The following LPAR1 variants were observed in gnomAD, a reference collection of about 807,000 sequenced individuals.
The protein encoded by LPAR1 is LPA receptor 1.
A neutral mutation model predicts 23.8 loss-of-function variants in LPAR1; 5 were observed. The observed-to-expected ratio is 0.21, with a 90% CI of 0.11 to 0.44. The LOEUF (loss-of-function observed/expected upper bound fraction) is 0.44. LPAR1 is among the 20% of genes least tolerant of loss of function. The pLI is 0.99. For synonymous variants in LPAR1, 160 were observed against 164.7 expected (o/e 0.97, Z 0.22); for missense variants, 311 against 482.8 (o/e 0.64, Z 3.33).
intron 4 of LPAR1, among the ~76,000 whole-genome samples, chr9:110,945,068 A>T (rs1282523920): frequency 6.6e-6 from 1 of 152,202 alleles, no homozygotes; most frequent in Non-Finnish European, 1.5e-5. Flanking sequence ...GTTTTATGAC[A>T]ATAGGACTGA....
intron 5 of LPAR1, among the ~76,000 whole-genome samples, chr9:110,876,870 G>A (rs926788001): frequency 6.6e-6 from 1 of 152,176 alleles, no homozygotes; most frequent in Non-Finnish European, 1.5e-5. Context: ...AATGGAGGTT[G>A]TAAAATAGCA....
At chr9:110,907,652 C>T (rs2091569347) in intron 5 of LPAR1, among the ~76,000 whole-genome samples, 1 of 152,070 alleles carries the variant, frequency 6.6e-6, no homozygotes, top group South Asian at 2.1e-4. Context: ...TATGTGTTGT[C>T]TTTGCATGGG....
At chr9:110,901,613 T>C (rs1213633327) in intron 5 of LPAR1, among the ~76,000 whole-genome samples, 3 of 152,102 alleles carry the variant, frequency 2.0e-5, no homozygotes, top group African/African-American at 7.2e-5. Flanking sequence ...GAGAACAGCA[T>C]GGGAAAGACC....
intron 5 of LPAR1, among the ~76,000 whole-genome samples, chr9:110,911,090 T>C (rs73537560): frequency 0.024 from 3,700 of 152,300 alleles, 141 homozygotes; most frequent in African/African-American, 0.084. Flanking sequence ...CAGTATCACA[T>C]GCTACTGAAA....
intron 5 of LPAR1, among the ~76,000 whole-genome samples, chr9:110,892,834 C>A (rs7041976): frequency 0.025 from 2,304 of 90,620 alleles, 36 homozygotes; most frequent in African/African-American, 0.056. Context: ...GGAAGGCAGG[C>A]AGGCAGGCAG....
chr9:110,892,824 G>GGAAA (rs2084865507), intron 5 of LPAR1, among the ~76,000 whole-genome samples: 1 of 95,570 alleles, frequency 1.0e-5, no homozygotes, highest in Non-Finnish European at 2.0e-5. Context: ...AAGGAAGGAA[G>GGAAA]GAAGGCAGGC....
At chr9:111,013,835 C>T (rs1052393830) in intron 2 of LPAR1, among the ~76,000 whole-genome samples, 2 of 152,134 alleles carry the variant, frequency 1.3e-5, no homozygotes, top group Admixed American at 1.3e-4. Flanking sequence ...AAGTCATTAT[C>T]AAGGGCAATT....
chr9:110,987,952 A>C (rs910563618), intron 2 of LPAR1, among the ~76,000 whole-genome samples: 2 of 151,996 alleles, frequency 1.3e-5, no homozygotes, highest in Non-Finnish European at 2.9e-5. Context: ...TTACAAAACC[A>C]TAACAATAAA....
chr9:111,005,546 C>CAAAAAAAAA (rs60143050), intron 2 of LPAR1, among the ~76,000 whole-genome samples: 52 of 70,342 alleles, frequency 7.4e-4, no homozygotes, highest in African/African-American at 3.3e-3. Context: ...GACCCTGTCT[C>CAAAAAAAAA]AAAAAAAAAA....
At chr9:111,021,364 T>C (rs1278142844) in intron 2 of LPAR1, among the ~76,000 whole-genome samples, 1 of 152,204 alleles carries the variant, frequency 6.6e-6, no homozygotes, top group Non-Finnish European at 1.5e-5. Flanking sequence ...GTACCTTTAA[T>C]TCTCTTTCAC....
intron 2 of LPAR1, among the ~76,000 whole-genome samples, chr9:111,008,173 C>CA (rs5899928): frequency 0.21 from 30,491 of 142,728 alleles, 4,350 homozygotes; most frequent in African/African-American, 0.42. Context: ...GACTCCATCT[C>CA]AAAAAAAAAA....
intron 5 of LPAR1, among the ~76,000 whole-genome samples, chr9:110,910,305 T>G (rs1189941998): frequency 6.6e-6 from 1 of 152,142 alleles, no homozygotes. Flanking sequence ...CTGTAGTCTA[T>G]AAATGGAACA....
At chr9:110,959,209 T>A (rs1387702045) in intron 4 of LPAR1, among the ~76,000 whole-genome samples, 1 of 141,564 alleles carries the variant, frequency 7.1e-6, no homozygotes, top group African/African-American at 2.7e-5. Context: ...ACATTCCATA[T>A]GATCTAGGTA....
chr9:110,921,685 C>T (rs11999214), intron 5 of LPAR1, among the ~76,000 whole-genome samples: 3,453 of 152,208 alleles, frequency 0.023, 143 homozygotes, highest in African/African-American at 0.075. Context: ...AGAAAAGGAG[C>T]GATGAGATGT....
At chr9:110,974,195 A>G (rs1397372899) in intron 2 of LPAR1, among the ~76,000 whole-genome samples, 1 of 152,110 alleles carries the variant, frequency 6.6e-6, no homozygotes, top group Non-Finnish European at 1.5e-5. Flanking sequence ...CCTTGCCTTT[A>G]AGGAGCTTTT....
intron 1 of LPAR1, among the ~76,000 whole-genome samples, chr9:111,036,912 T>G (rs1216483211): frequency 6.6e-6 from 1 of 152,238 alleles, no homozygotes; most frequent in Admixed American, 6.5e-5. Context: ...CAGAAAGAAC[T>G]AGGTGACATT....
intron 5 of LPAR1, among the ~76,000 whole-genome samples, chr9:110,895,468 C>A (rs748864131): frequency 6.6e-5 from 10 of 152,222 alleles, no homozygotes; most frequent in Non-Finnish European, 1.5e-4. Flanking sequence ...AAGGCAGAGG[C>A]CAGATCTTCT....
chr9:110,994,310 T>A (rs140712210), intron 2 of LPAR1, among the ~76,000 whole-genome samples: 1 of 152,264 alleles, frequency 6.6e-6, no homozygotes, highest in East Asian at 1.9e-4. Context: ...AACTATTCCA[T>A]AATAAAGTAG....
At chr9:110,967,960 C>T (rs2096276881) in intron 4 of LPAR1, among the ~76,000 whole-genome samples, 1 of 152,144 alleles carries the variant, frequency 6.6e-6, no homozygotes, top group African/African-American at 2.4e-5. Context: ...TCCCCGTGGG[C>T]TTAGTTCCCC....
Sources: gnomAD v4.1 joint callset for allele counts (sites outside exome capture counted in the v4.1 genomes callset) on GRCh38, gnomAD v4.1.1 for gene constraint, MANE v1.5 for transcripts, NCBI Gene and HGNC (gene_info 2026-07-23, HGNC 2026-07-21) for gene names.